TMEM35A: variants seen among roughly 807,000 people sequenced by gnomAD.
TMEM35A encodes transmembrane protein 35A.
For missense variants in TMEM35A, 83 were observed against 132.7 expected (o/e 0.63, Z 1.84); for synonymous variants, 50 against 54.7 (o/e 0.91, Z 0.38).
chrX:101,089,071 C>A (rs1431942354), intron 1 of TMEM35A, among the ~76,000 whole-genome samples: 1 of 111,472 alleles, frequency 9.0e-6, no homozygotes, highest in East Asian at 2.8e-4. Context: ...TAAACCTCAG[C>A]TCAGCTCTGC....
intron 1 of TMEM35A, among the ~76,000 whole-genome samples, chrX:101,092,705 C>CAA (rs753771541): frequency 1.1e-4 from 9 of 85,354 alleles, no homozygotes; most frequent in African/African-American, 1.7e-4. Flanking sequence ...ACTAAAAATA[C>CAA]AAAAAAAAAA....
intron 1 of TMEM35A, among the ~76,000 whole-genome samples, chrX:101,083,492 T>A (rs2089298313): frequency 8.9e-6 from 1 of 111,756 alleles, no homozygotes; most frequent in South Asian, 3.7e-4. Context: ...TTGATTTGAT[T>A]TATTTGTTTA....
chrX:101,087,653 A>G (rs780739941), intron 1 of TMEM35A, among the ~76,000 whole-genome samples: 2 of 111,819 alleles, frequency 1.8e-5, no homozygotes, highest in East Asian at 5.6e-4. Context: ...TAGTATAGAT[A>G]AGAGTTTGTA....
At chrX:101,079,212 C>A in intron 1 of TMEM35A, 90 bp downstream of exon 1, 1 of 1,053,780 alleles carries the variant, frequency 9.5e-7, no homozygotes. Flanking sequence ...CTGGTCCCAC[C>A]CCCTTAGCCC....
intron 1 of TMEM35A, among the ~76,000 whole-genome samples, chrX:101,090,766 C>T (rs1202638512): frequency 3.6e-5 from 4 of 111,192 alleles, no homozygotes; most frequent in African/African-American, 1.3e-4. Context: ...AAGCCAGAGA[C>T]CTGAGAATCA....
chrX:101,081,083 C>G (rs1453155642), intron 1 of TMEM35A, among the ~76,000 whole-genome samples: 4 of 112,251 alleles, frequency 3.6e-5, no homozygotes, highest in Non-Finnish European at 7.5e-5. Context: ...ATGAAGATTT[C>G]ATATCATACA....
At chrX:101,093,076 T>C (rs1176391345) in intron 1 of TMEM35A, among the ~76,000 whole-genome samples, 3 of 111,437 alleles carry the variant, frequency 2.7e-5, no homozygotes, top group African/African-American at 9.7e-5. Context: ...TCTACAAATA[T>C]AAACTCCAGC....
chrX:101,087,492 G>A (rs776936653), intron 1 of TMEM35A, among the ~76,000 whole-genome samples: 10 of 111,650 alleles, frequency 9.0e-5, no homozygotes, highest in Admixed American at 4.8e-4. Context: ...AAGCAACAGC[G>A]GCATAAAAAT....
At chrX:101,093,568 C>A (rs1405753500) in intron 1 of TMEM35A, among the ~76,000 whole-genome samples, 2 of 111,114 alleles carry the variant, frequency 1.8e-5, no homozygotes, top group East Asian at 5.6e-4. Flanking sequence ...CCCACCTCGG[C>A]CTCCCAAAAT....
At chrX:101,079,363 C>G (rs748132794) in intron 1 of TMEM35A, among the ~76,000 whole-genome samples, 9 of 110,939 alleles carry the variant, frequency 8.1e-5, no homozygotes, top group Non-Finnish European at 1.1e-4. Flanking sequence ...GCGAATACCC[C>G]CCATCCCAAG....
intron 1 of TMEM35A, among the ~76,000 whole-genome samples, chrX:101,086,766 C>T (rs2089308396): frequency 9.0e-6 from 1 of 110,605 alleles, no homozygotes; most frequent in Non-Finnish European, 1.9e-5. Flanking sequence ...GAACACAGAC[C>T]TAACAAAGTG....
At chrX:101,079,215 C>G in intron 1 of TMEM35A, 93 bp downstream of exon 1, 1 of 1,060,335 alleles carries the variant, frequency 9.4e-7, no homozygotes, top group Non-Finnish European at 1.3e-6. Context: ...GTCCCACCCC[C>G]TTAGCCCCTA....
At chrX:101,089,135 A>G (rs1257885310) in intron 1 of TMEM35A, among the ~76,000 whole-genome samples, 2 of 111,021 alleles carry the variant, frequency 1.8e-5, no homozygotes, top group African/African-American at 6.5e-5. Context: ...CTACTGGTCA[A>G]CCTCTCTCCT....
chrX:101,094,447 A>T, intron 1 of TMEM35A, 126 bp from the exon 2 acceptor site: 1 of 650,907 alleles, frequency 1.5e-6, no homozygotes, highest in East Asian at 3.8e-5. Flanking sequence ...TAAGATAAGA[A>T]AAATTATATA....
intron 1 of TMEM35A, among the ~76,000 whole-genome samples, chrX:101,079,998 G>A (rs890383816): frequency 1.8e-5 from 2 of 111,663 alleles, no homozygotes; most frequent in African/African-American, 3.3e-5. Flanking sequence ...CTCTTATGCT[G>A]TGGAGTACTA....
intron 1 of TMEM35A, among the ~76,000 whole-genome samples, chrX:101,084,349 A>C (rs2089300710): frequency 9.0e-6 from 1 of 111,386 alleles, no homozygotes; most frequent in South Asian, 3.7e-4. Context: ...GAGTCAGTAC[A>C]TTTTGCAGCA....
rs763634681 is a variant in TMEM35A, at chrX:101,078,965, A to G, written c.-38A>G. ...GCACCTTGGACAGAGCGGGTGCGCA[A>G]ATCAGAAGGATTAGTTGGGACCTGC... On this transcript the variant is annotated 5_prime_UTR_variant, in exon 1 of 2. Transcript: ENST00000372930. 5.8e-6 allele frequency: 7 copies of G among 1,210,012 alleles called. No homozygotes were observed. Among genetic ancestry groups the G allele is most frequent in the Non-Finnish European group, 7.8e-6 (7 of 894,758 alleles).
chrX:101,084,188 CAAA>C (rs746718674), intron 1 of TMEM35A, among the ~76,000 whole-genome samples: 2,913 of 32,068 alleles, frequency 0.091, 94 homozygotes, highest in African/African-American at 0.22. Context: ...AACTCCATCT[CAAA>C]AAAAAAAAAA....
At chrX:101,083,237 C>T (rs1217176254) in intron 1 of TMEM35A, among the ~76,000 whole-genome samples, 1 of 112,198 alleles carries the variant, frequency 8.9e-6, no homozygotes, top group Non-Finnish European at 1.9e-5. Context: ...AAATGGGAGA[C>T]AGCCCTTAAA....
Sources: allele counts gnomAD v4.1 joint callset (sites outside exome capture counted in the v4.1 genomes callset), GRCh38; gene constraint gnomAD v4.1.1; transcripts MANE v1.5; gene names NCBI Gene and HGNC (gene_info 2026-07-23, HGNC 2026-07-21).